The following WWOX variants were observed in gnomAD, a reference collection of about 807,000 sequenced individuals.
The protein encoded by WWOX is WW domain containing oxidoreductase.
In WWOX, 69 loss-of-function variants were observed where a neutral mutation model predicts 46.2. That is an observed-to-expected ratio of 1.49 (90% CI 1.23 to 1.82). The LOEUF (loss-of-function observed/expected upper bound fraction) is 1.82, where lower values mean the gene tolerates loss of function less well. Among genes scored for constraint, WWOX ranks in the 40% most tolerant of loss-of-function variants. The pLI is 0.00. For synonymous variants in WWOX, 359 were observed against 202.6 expected, an observed-to-expected ratio of 1.77 and a Z score of -6.56; for missense variants, 919 against 542.6, an observed-to-expected ratio of 1.69 and a Z score of -6.89.
At chr16:78,417,039 G>GT (rs1349097349) in intron 6 of WWOX, among the ~76,000 whole-genome samples, 276 of 144,220 alleles carry the variant, frequency 1.9e-3, no homozygotes, top group South Asian at 8.9e-3. Context: ...GACCCTTTGG[G>GT]GGTGTGTGTG....
chr16:79,099,203 C>G, intron 8 of WWOX, among the ~76,000 whole-genome samples: 1 of 152,136 alleles, frequency 6.6e-6, no homozygotes, highest in East Asian at 1.9e-4. Flanking sequence ...AGGGATCCGT[C>G]CCCATGACCC....
chr16:78,249,797 A>C (rs992413023), intron 5 of WWOX, among the ~76,000 whole-genome samples: 1 of 152,022 alleles, frequency 6.6e-6, no homozygotes, highest in Non-Finnish European at 1.5e-5. Flanking sequence ...TTGAACGGTG[A>C]ACATTCCACA....
At chr16:78,463,813 T>G (rs1367671841) in intron 8 of WWOX, among the ~76,000 whole-genome samples, 2 of 152,186 alleles carry the variant, frequency 1.3e-5, no homozygotes, top group East Asian at 1.9e-4. Flanking sequence ...AAGAAGTGTT[T>G]TATGAGGGAG....
At chr16:78,386,981 A>G in intron 6 of WWOX, 33 bp downstream of exon 6, 1 of 1,585,174 alleles carries the variant, frequency 6.3e-7, no homozygotes, top group Non-Finnish European at 8.7e-7. Flanking sequence ...ATAGATCATA[A>G]TTTCTTGCTA....
At chr16:78,353,682 T>G (rs1425962694) in intron 5 of WWOX, among the ~76,000 whole-genome samples, 1 of 152,254 alleles carries the variant, frequency 6.6e-6, no homozygotes, top group African/African-American at 2.4e-5. Flanking sequence ...AACTCTGTCC[T>G]GAAGAACTGC....
intron 8 of WWOX, among the ~76,000 whole-genome samples, chr16:78,507,949 G>A (rs2085255549): frequency 6.6e-6 from 1 of 151,624 alleles, no homozygotes; most frequent in Non-Finnish European, 1.5e-5. Context: ...TTTTATGCAC[G>A]GACCTTTTAT....
chr16:78,511,488 GGCCTGTTGCCCCCAA>G, intron 8 of WWOX, among the ~76,000 whole-genome samples: 1 of 152,226 alleles, frequency 6.6e-6, no homozygotes, highest in East Asian at 1.9e-4. Flanking sequence ...TCAGAGGGCA[GGCCTGTTGCCCCCAA>G]GCCTGTTGCC....
chr16:78,588,711 A>G (rs1397182200), intron 8 of WWOX, among the ~76,000 whole-genome samples: 1 of 152,158 alleles, frequency 6.6e-6, no homozygotes, highest in South Asian at 2.1e-4. Flanking sequence ...AACATCTGCT[A>G]AGAGTATGTC....
chr16:78,785,562 A>G (rs2050435406), intron 8 of WWOX, among the ~76,000 whole-genome samples: 1 of 152,248 alleles, frequency 6.6e-6, no homozygotes, highest in African/African-American at 2.4e-5. Context: ...ACAAATAAGA[A>G]GAAGAATAGT....
chr16:78,267,977 C>T (rs2079403611), intron 5 of WWOX, among the ~76,000 whole-genome samples: 1 of 152,062 alleles, frequency 6.6e-6, no homozygotes, highest in South Asian at 2.1e-4. Flanking sequence ...GCCCCCACGC[C>T]TGGCTAAGTT....
chr16:78,758,006 C>T (rs149732329), intron 8 of WWOX, among the ~76,000 whole-genome samples: 6 of 152,068 alleles, frequency 3.9e-5, no homozygotes, highest in African/African-American at 1.4e-4. Flanking sequence ...CCAGGATGCT[C>T]TTTTTCAAAC....
chr16:78,146,049 T>C (rs2034187083), intron 4 of WWOX: 1 of 152,324 alleles, frequency 6.6e-6, no homozygotes, highest in Middle Eastern at 3.4e-3. Context: ...CTTGCCCTGA[T>C]AAGGACTTTA....
Position 78,622,229 on chromosome 16 carries a change from C to G in WWOX, c.1056+189477C>G, listed in dbSNP as rs148733614. The stretch of plus-strand genomic sequence containing the variant: ...TTCTAAGCTCGTGATTAAATAAATT[C>G]TGACCCTACTCTGATAAAAGTGAAC... On this transcript the variant is annotated intron_variant, in intron 8 of 8. Coordinates refer to ENST00000566780, the MANE Select transcript of WWOX (RefSeq NM_016373.4). Among the ~76,000 whole-genome samples the G allele has an allele frequency of 9.9e-5, 15 of 152,220 alleles. No individual in the cohort carries two copies. In the East Asian group the frequency reaches 2.7e-3, roughly 28 times the overall value.
intron 4 of WWOX, among the ~76,000 whole-genome samples, chr16:78,146,185 A>G (rs542503002): frequency 3.9e-5 from 6 of 152,178 alleles, no homozygotes; most frequent in African/African-American, 4.8e-5. Context: ...TCTTTTGGGG[A>G]GTACTTGCCT....
chr16:78,103,254 T>G (rs2031919806), intron 1 of WWOX, among the ~76,000 whole-genome samples: 1 of 151,860 alleles, frequency 6.6e-6, no homozygotes, highest in African/African-American at 2.4e-5. Flanking sequence ...TTTTTTTTTT[T>G]TTTTTTTTTT....
intron 8 of WWOX, among the ~76,000 whole-genome samples, chr16:78,600,569 G>T (rs1239891551): frequency 2.6e-5 from 4 of 152,156 alleles, no homozygotes; most frequent in South Asian, 4.1e-4. Flanking sequence ...TCATCATTTT[G>T]TGGGGCTATA....
chr16:78,331,354 C>G (rs1229517865), intron 5 of WWOX, among the ~76,000 whole-genome samples: 3 of 152,132 alleles, frequency 2.0e-5, no homozygotes. Flanking sequence ...ATTTTTGCAA[C>G]TTATAACCCC....
In WWOX at chr16:78,323,256, G is replaced by A. The variant is rs368015247; in HGVS notation, c.517-63604G>A. Among the ~76,000 whole-genome samples, 108 of 152,056 alleles carry A rather than the reference G, an allele frequency of 7.1e-4. 3 individuals carry two copies. In the East Asian group the frequency reaches 0.018, roughly 26 times the overall value. On this transcript the variant is annotated intron_variant, in intron 5 of 8. Transcript: ENST00000566780. ...TGAGTAGGTGGGACTACAGGCCCCC[G>A]CCACCATGCCCGGCTAATTTTTTTA...
At chr16:78,364,051 A>C (rs952978815) in intron 5 of WWOX, among the ~76,000 whole-genome samples, 1 of 151,752 alleles carries the variant, frequency 6.6e-6, no homozygotes, top group African/African-American at 2.4e-5. Flanking sequence ...ACATCCCCCC[A>C]CTCAGTCTTG....
Sources: allele counts gnomAD v4.1 joint callset (sites outside exome capture counted in the v4.1 genomes callset), GRCh38; gene constraint gnomAD v4.1.1; transcripts MANE v1.5; gene names NCBI Gene and HGNC (gene_info 2026-07-23, HGNC 2026-07-21).